PFKFB2: variants seen among roughly 807,000 people sequenced by gnomAD.
PFKFB2 encodes 6-phosphofructo-2-kinase/fructose-2,6-bisphosphatase 2.
Under a neutral mutation model 68.0 loss-of-function variants are expected in PFKFB2, and 53 were observed. That is an observed-to-expected ratio of 0.78 (90% CI 0.63 to 0.98). The LOEUF is 0.98. PFKFB2 is among the 50% of genes least tolerant of loss of function. The pLI is 0.00. For missense variants in PFKFB2, 451 were observed against 642.0 expected (o/e 0.70, Z 3.22); for synonymous variants, 222 against 227.6 (o/e 0.98, Z 0.22).
Position 207,041,489 on chromosome 1 carries a change from G to A in PFKFB2, c.-61-680G>A, listed in dbSNP as rs1572705617. Among the ~76,000 whole-genome samples, 8 of 152,158 alleles carry A rather than the reference G, an allele frequency of 5.3e-5. No homozygotes were observed. The South Asian group carries it at 1.7e-3, about 32-fold the overall frequency. On this transcript the variant is annotated intron_variant, in intron 1 of 5. Transcript: ENST00000545806. ...TATGAGTGAGAACATGCAGTGTTTG[G>A]TTTTCTGTTCCTGTGTTAGTTTGCT...
chr1:207,054,632 A>C (rs1682862661), intron 1 of PFKFB2, 69 bp from the exon 2 acceptor site: 2 of 1,057,646 alleles, frequency 1.9e-6, no homozygotes, highest in Admixed American at 2.1e-5. Flanking sequence ...GATCCAATGC[A>C]CTGACTTTTT....
upstream of PFKFB2, chr1:207,051,149 C>G (rs914926310): frequency 2.1e-6 from 3 of 1,420,948 alleles, no homozygotes; most frequent in Non-Finnish European, 2.7e-6. Flanking sequence ...ACCCTCAGAA[C>G]GAAGATGTAA....
At chr1:207,050,823 G>A (rs750013764), upstream of PFKFB2, 2 of 1,613,202 alleles carry the variant, frequency 1.2e-6, no homozygotes, top group South Asian at 1.1e-5. Context: ...TGGAGTTCCC[G>A]CACCCGGGTC....
At chr1:207,049,018 G>T, upstream of PFKFB2, 1 of 1,612,066 alleles carries the variant, frequency 6.2e-7, no homozygotes, top group Non-Finnish European at 8.5e-7. Context: ...TTCATGCATA[G>T]GTCACACTTC....
chr1:207,052,287 C>T, upstream of PFKFB2: 2 of 1,514,906 alleles, frequency 1.3e-6, no homozygotes, highest in South Asian at 1.1e-5. Flanking sequence ...AATTTTCCTC[C>T]TTGGTTCTTC....
chr1:207,061,185 A>C (rs57202133), intron 2 of PFKFB2, among the ~76,000 whole-genome samples: 6,405 of 79,952 alleles, frequency 0.08, 1,389 homozygotes, highest in African/African-American at 0.29. Context: ...ATATATATAT[A>C]TATATATATA....
In PFKFB2 at chr1:207,074,386, A is replaced by G; in HGVS notation, c.*2015A>G. The G allele has an allele frequency of 1.0e-6, 1 of 985,380 alleles. No individual in the cohort carries two copies. Among genetic ancestry groups the G allele is most frequent in the Non-Finnish European group, 1.2e-6 (1 of 829,910 alleles). 61.0% of individuals were successfully genotyped at this position (985,380 alleles called of 1,614,324 possible). The stretch of plus-strand genomic sequence containing the variant: ...TCTAGTCCCATCTTTAACCCTTTAC[A>G]TTGCTGAGTGATGTGGAACAAATCA... On this transcript the variant is annotated 3_prime_UTR_variant, in exon 15 of 15. Coordinates refer to ENST00000367080, the MANE Select transcript of PFKFB2 (RefSeq NM_006212.2).
At chr1:207,035,816 G>C (rs927751636) in intron 1 of PFKFB2, among the ~76,000 whole-genome samples, 1 of 152,216 alleles carries the variant, frequency 6.6e-6, no homozygotes, top group Non-Finnish European at 1.5e-5. Context: ...AGAGCAGGCA[G>C]TGTCACACGG....
At chr1:207,056,025 G>A (rs898154698) in intron 2 of PFKFB2, among the ~76,000 whole-genome samples, 3 of 152,098 alleles carry the variant, frequency 2.0e-5, no homozygotes, top group Non-Finnish European at 4.4e-5. Context: ...TTTGAATCCC[G>A]GGTTTATGAC....
intron 2 of PFKFB2, chr1:207,044,972 TAAAC>T (rs1682560007): frequency 6.6e-6 from 1 of 152,456 alleles, no homozygotes; most frequent in Admixed American, 6.5e-5. Flanking sequence ...TTGAGAAAAA[TAAAC>T]ACTCTCCCAC....
At chr1:207,049,234 G>A (rs1682673100), upstream of PFKFB2, 1 of 1,613,988 alleles carries the variant, frequency 6.2e-7, no homozygotes, top group Non-Finnish European at 8.5e-7. Context: ...AGGTGTATCT[G>A]GATCAGGGAA....
downstream of PFKFB2, chr1:207,079,647 G>T (rs949148356): frequency 6.6e-6 from 1 of 152,404 alleles, no homozygotes; most frequent in Non-Finnish European, 1.5e-5. Flanking sequence ...TTCAGGACAG[G>T]ATCTGACTGC....
In PFKFB2 at chr1:207,076,254, T is replaced by C. The variant is rs1683619210; in HGVS notation, c.*3883T>C. 16 of 396,072 alleles carry C rather than the reference T, an allele frequency of 4.0e-5. No individual in the cohort carries two copies. The highest frequency in any genetic ancestry group is 1.0e-4 in the South Asian group (1 of 9,738). The allele number at this position is 396,072 out of a possible 1,614,324, so 24.5% of individuals were successfully genotyped here. A position where few individuals can be genotyped will look rare whatever the true frequency, so the allele number is the denominator to read the frequency against. ...TTCATCTATGTTACTTTTTTTTTCT[T>C]TTTTTTTTTTTTTTATGAGCAGGAG... On this transcript the variant is annotated 3_prime_UTR_variant, in exon 15 of 15. Coordinates refer to ENST00000367080, the MANE Select transcript of PFKFB2 (RefSeq NM_006212.2).
At chr1:207,050,937 C>T, upstream of PFKFB2, 1 of 1,582,522 alleles carries the variant, frequency 6.3e-7, no homozygotes, top group Non-Finnish European at 8.6e-7. Flanking sequence ...CCCGCGGGGC[C>T]AGCTTTGGTC....
rs1416621970 is a variant in PFKFB2 at position 207,062,046 on chromosome 1, G to A, written c.179G>A (p.Arg60His). 8 of 1,613,812 alleles carry A rather than the reference G, an allele frequency of 5.0e-6. No homozygotes were observed. The highest frequency in any genetic ancestry group is 2.2e-5 in the East Asian group (1 of 44,896). ...GKTYVSKKLT[R>H]YLNWIGVPTK... is the part of the protein sequence containing the mutation. Reference sequence around the variant, plus strand: ...ACCTACGTGTCCAAGAAACTAACACGCTACCTCAACTGGATTGGAGTCCCC... The same window carrying A: ...ACCTACGTGTCCAAGAAACTAACACACTACCTCAACTGGATTGGAGTCCCC... The change falls in exon 3 of 15, where the codon CGC becomes CAC. Residue 60 changes from arginine to histidine, a missense_variant. Arg to His is a conservative substitution (Grantham distance 29, BLOSUM62 0). Transcript: ENST00000367080.
intron 11 of PFKFB2, 152 bp downstream of exon 11, chr1:207,069,680 T>G (rs1333016490): frequency 3.4e-6 from 2 of 585,590 alleles, no homozygotes; most frequent in Non-Finnish European, 6.2e-6. Context: ...GCTTAGACAA[T>G]CGAATGCCTC....
intron 1 of PFKFB2, among the ~76,000 whole-genome samples, chr1:207,039,044 C>G (rs1257917640): frequency 1.3e-5 from 2 of 152,116 alleles, no homozygotes; most frequent in Non-Finnish European, 2.9e-5. Flanking sequence ...CTTTTCCTAG[C>G]CAAATTCAAG....
chr1:207,080,972 T>A (rs189699475), downstream of PFKFB2: 3 of 152,264 alleles, frequency 2.0e-5, no homozygotes, highest in East Asian at 5.8e-4. Flanking sequence ...AATATGCGAG[T>A]AATATGTATT....
intron 2 of PFKFB2, among the ~76,000 whole-genome samples, chr1:207,060,075 G>A (rs1250568418): frequency 6.6e-6 from 1 of 152,280 alleles, no homozygotes; most frequent in Non-Finnish European, 1.5e-5. Context: ...TTTTGGCCCC[G>A]GGACAGTGGC....
Sources: allele counts gnomAD v4.1 joint callset (sites outside exome capture counted in the v4.1 genomes callset), GRCh38; gene constraint gnomAD v4.1.1; transcripts MANE v1.5; gene names NCBI Gene and HGNC (gene_info 2026-07-23, HGNC 2026-07-21).